The following LIPC variants were observed in gnomAD, a reference collection of about 807,000 sequenced individuals.
The protein encoded by LIPC is hepatic triacylglycerol lipase.
LIPC carries 44 observed loss-of-function variants against 50.7 expected under a neutral mutation model. That is an observed-to-expected ratio of 0.87 (90% CI 0.68 to 1.11). The LOEUF (loss-of-function observed/expected upper bound fraction) is 1.11, where lower values mean the gene tolerates loss of function less well. LIPC is among the 50% of genes most tolerant of loss of function. The pLI, the probability that LIPC is intolerant of heterozygous loss-of-function variation, is 0.00. For synonymous variants in LIPC, 271 were observed against 256.4 expected (o/e 1.06, Z -0.54); for missense variants, 697 against 648.2 (o/e 1.08, Z -0.82).
At chr15:58,518,081 C>T (rs1892537979) in intron 1 of LIPC, among the ~76,000 whole-genome samples, 1 of 152,250 alleles carries the variant, frequency 6.6e-6, no homozygotes, top group South Asian at 2.1e-4. Flanking sequence ...TCACAGCACA[C>T]TTAACATTTG....
intron 1 of LIPC, among the ~76,000 whole-genome samples, chr15:58,502,301 G>A (rs1191035695): frequency 2.6e-5 from 4 of 151,916 alleles, no homozygotes; most frequent in Non-Finnish European, 5.9e-5. Flanking sequence ...TTCCATTCCT[G>A]TGCTGCTACA....
At chr15:58,532,630 G>A (rs1452478527) in intron 1 of LIPC, among the ~76,000 whole-genome samples, 1 of 152,174 alleles carries the variant, frequency 6.6e-6, no homozygotes, top group Non-Finnish European at 1.5e-5. Flanking sequence ...CCCAGTACCA[G>A]CCAATACATG....
intron 1 of LIPC, among the ~76,000 whole-genome samples, chr15:58,474,488 G>C (rs1438420650): frequency 4.7e-5 from 7 of 147,592 alleles, no homozygotes; most frequent in African/African-American, 1.8e-4. Flanking sequence ...TCAAACCTAG[G>C]CAACAGAGCT....
chr15:58,478,061 C>G (rs1460086784), intron 1 of LIPC, among the ~76,000 whole-genome samples: 3 of 152,130 alleles, frequency 2.0e-5, no homozygotes, highest in African/African-American at 7.2e-5. Flanking sequence ...CCCACCTCCC[C>G]CCATAGCTCA....
At chr15:58,551,389 T>C (rs1189803774) in intron 6 of LIPC, among the ~76,000 whole-genome samples, 1 of 152,208 alleles carries the variant, frequency 6.6e-6, no homozygotes, top group East Asian at 1.9e-4. Flanking sequence ...CCACAAACCA[T>C]ATGTGGCTAT....
At chr15:58,541,114 G>A (rs532296695) in intron 2 of LIPC, among the ~76,000 whole-genome samples, 12 of 151,942 alleles carry the variant, frequency 7.9e-5, no homozygotes, top group South Asian at 2.1e-4. Context: ...ACCCATATTC[G>A]TCTTACTGGA....
chr15:58,461,570 G>C (rs1174244070), intron 1 of LIPC, among the ~76,000 whole-genome samples: 1 of 151,194 alleles, frequency 6.6e-6, no homozygotes, highest in Non-Finnish European at 1.5e-5. Flanking sequence ...CACCATGCCA[G>C]GCTAATTTTT....
chr15:58,486,001 T>C (rs1180887829), intron 1 of LIPC, among the ~76,000 whole-genome samples: 9 of 152,230 alleles, frequency 5.9e-5, no homozygotes, highest in African/African-American at 2.2e-4. Flanking sequence ...GCCTCAGGTA[T>C]CCAGGGTCTC....
chr15:58,488,478 C>G (rs1891453807), intron 1 of LIPC, among the ~76,000 whole-genome samples: 1 of 152,192 alleles, frequency 6.6e-6, no homozygotes, highest in Non-Finnish European at 1.5e-5. Context: ...CAGGCCTATC[C>G]TATCTCAGCA....
At chr15:58,493,244 G>A (rs1264541836) in intron 1 of LIPC, among the ~76,000 whole-genome samples, 5 of 152,078 alleles carry the variant, frequency 3.3e-5, no homozygotes, top group African/African-American at 9.7e-5. Context: ...CTCTCTGCCG[G>A]CCACCTCCTC....
intron 2 of LIPC, 70 bp downstream of exon 2, chr15:58,538,587 T>C (rs1266930242): frequency 4.0e-6 from 6 of 1,483,754 alleles, no homozygotes; most frequent in Non-Finnish European, 5.6e-6. Context: ...AGCGTGTTCA[T>C]GTTCATAAAA....
At chr15:58,484,352 T>C (rs562470851) in intron 1 of LIPC, among the ~76,000 whole-genome samples, 2 of 152,184 alleles carry the variant, frequency 1.3e-5, no homozygotes, top group South Asian at 2.1e-4. Context: ...CAAAAGGGCC[T>C]TGGGATCAAG....
At chr15:58,476,523 C>T (rs1891005926) in intron 1 of LIPC, among the ~76,000 whole-genome samples, 1 of 152,202 alleles carries the variant, frequency 6.6e-6, no homozygotes, top group African/African-American at 2.4e-5. Context: ...GAAACTGAAG[C>T]CAACACCATT....
chr15:58,505,730 C>T (rs1194892028), intron 1 of LIPC, among the ~76,000 whole-genome samples: 5 of 152,180 alleles, frequency 3.3e-5, no homozygotes, highest in Non-Finnish European at 7.4e-5. Context: ...CTTAGTCACC[C>T]TCCTTGGAAC....
At chr15:58,503,111 GATT>G (rs1165251524) in intron 1 of LIPC, among the ~76,000 whole-genome samples, 9 of 152,134 alleles carry the variant, frequency 5.9e-5, no homozygotes, top group African/African-American at 2.2e-4. Context: ...GACAATAAAT[GATT>G]ATTATGGACA....
intron 1 of LIPC, among the ~76,000 whole-genome samples, chr15:58,460,125 T>A (rs1354533013): frequency 2.0e-5 from 3 of 152,216 alleles, no homozygotes; most frequent in African/African-American, 7.2e-5. Context: ...CAGCTCCCAA[T>A]GAGCATTGTT....
intron 8 of LIPC, chr15:58,566,544 C>T (rs1894370887): frequency 1.1e-5 from 8 of 721,492 alleles, no homozygotes; most frequent in Non-Finnish European, 1.4e-5. Context: ...TTAAACTCTA[C>T]ACTCGTAATA....
chr15:58,482,575 G>C (rs1380682686), intron 1 of LIPC, among the ~76,000 whole-genome samples: 1 of 152,074 alleles, frequency 6.6e-6, no homozygotes, highest in African/African-American at 2.4e-5. Context: ...AAAGCATATG[G>C]GTCACTTAGC....
intron 1 of LIPC, among the ~76,000 whole-genome samples, chr15:58,531,524 A>G (rs1186310071): frequency 6.8e-6 from 1 of 148,020 alleles, no homozygotes; most frequent in Non-Finnish European, 1.5e-5. Context: ...AGAAGGAAAA[A>G]ATTTTTGGCA....
Sources: allele counts gnomAD v4.1 joint callset (sites outside exome capture counted in the v4.1 genomes callset), GRCh38; gene constraint gnomAD v4.1.1; transcripts MANE v1.5; gene names NCBI Gene and HGNC (gene_info 2026-07-23, HGNC 2026-07-21).